The following KSR2 variants were observed in gnomAD, a reference collection of about 807,000 sequenced individuals.
KSR2 encodes kinase suppressor of ras 2.
In KSR2, 25 loss-of-function variants were observed where a neutral mutation model predicts 107.8. That is an observed-to-expected ratio of 0.23 (90% CI 0.17 to 0.32). The LOEUF is 0.32. Among genes scored for constraint, KSR2 ranks in the 10% least tolerant of loss-of-function variants. KSR2 has a pLI of 1.00. For missense variants in KSR2, 887 were observed against 1,268.9 expected (o/e 0.70, Z 4.57); for synonymous variants, 480 against 507.0 (o/e 0.95, Z 0.71).
chr12:117,945,015 G>A (rs963949484), intron 1 of KSR2, among the ~76,000 whole-genome samples: 10 of 152,090 alleles, frequency 6.6e-5, no homozygotes, highest in South Asian at 2.1e-4. Context: ...TGACCAAGAA[G>A]ACATAACCAT....
intron 4 of KSR2, among the ~76,000 whole-genome samples, chr12:117,688,046 A>G (rs763913653): frequency 2.0e-5 from 3 of 151,524 alleles, no homozygotes; most frequent in Non-Finnish European, 4.4e-5. Context: ...TCTCGTCTCT[A>G]ACGTATTCTG....
At chr12:117,651,212 C>A (rs1409979207) in intron 5 of KSR2, among the ~76,000 whole-genome samples, 3 of 152,198 alleles carry the variant, frequency 2.0e-5, no homozygotes, top group Non-Finnish European at 4.4e-5. Context: ...AGGGGATAAA[C>A]CCTGCCCTGC....
chr12:117,962,646 T>C (rs971092370), intron 1 of KSR2, among the ~76,000 whole-genome samples: 27 of 150,872 alleles, frequency 1.8e-4, no homozygotes, highest in Non-Finnish European at 3.0e-4. Context: ...GGTTTCGCCA[T>C]GTTGGCCAGG....
At chr12:117,831,354 A>G (rs1188208441) in intron 3 of KSR2, among the ~76,000 whole-genome samples, 1 of 152,172 alleles carries the variant, frequency 6.6e-6, no homozygotes, top group East Asian at 1.9e-4. Flanking sequence ...CCCACCTTGC[A>G]AGAAGCAGGG....
Position 117,471,189 on chromosome 12 carries a change from A to G in KSR2, c.2712+2T>C, listed in dbSNP as rs745679846. The G allele has an allele frequency of 6.2e-7, 1 of 1,613,764 alleles. No homozygotes were observed. The highest frequency in any genetic ancestry group is 2.2e-5 in the East Asian group (1 of 44,866). ...CAAGTCTGGACCTATCTTGGGACTT[A>G]CCGAGATTTCTTTTCCCATGCCAAT... is the stretch of plus-strand genomic sequence containing the variant. On this transcript the variant is annotated splice_donor_variant, in intron 18 of 19. Coordinates refer to ENST00000339824, the MANE Select transcript of KSR2 (RefSeq NM_173598.6). LOFTEE classifies it high-confidence loss of function.
intron 4 of KSR2, among the ~76,000 whole-genome samples, chr12:117,720,806 C>T (rs900564577): frequency 2.0e-5 from 3 of 152,006 alleles, no homozygotes; most frequent in Non-Finnish European, 4.4e-5. Flanking sequence ...ATCTTGAGCC[C>T]AGATCTGAGA....
At chr12:117,895,397 C>A (rs905724507) in intron 1 of KSR2, among the ~76,000 whole-genome samples, 2 of 152,088 alleles carry the variant, frequency 1.3e-5, no homozygotes, top group African/African-American at 4.8e-5. Flanking sequence ...CAGTGGTTCT[C>A]TAACTTGGCT....
chr12:117,962,366 C>T (rs1896684576), intron 1 of KSR2, among the ~76,000 whole-genome samples: 1 of 151,970 alleles, frequency 6.6e-6, no homozygotes, highest in Non-Finnish European at 1.5e-5. Context: ...TCTCATCTAT[C>T]CTACAGCCTA....
At chr12:117,491,243 C>T (rs1388761721) in intron 14 of KSR2, among the ~76,000 whole-genome samples, 1 of 152,098 alleles carries the variant, frequency 6.6e-6, no homozygotes, top group Non-Finnish European at 1.5e-5. Context: ...GCAGTGGCGC[C>T]ATCTCAGCTC....
At chr12:117,475,370 C>T (rs956640270) in intron 17 of KSR2, among the ~76,000 whole-genome samples, 1 of 152,200 alleles carries the variant, frequency 6.6e-6, no homozygotes, top group Admixed American at 6.5e-5. Context: ...CATCCATCAG[C>T]TCCCTTTCCT....
At chr12:117,554,346 C>T (rs1362278629) in intron 9 of KSR2, among the ~76,000 whole-genome samples, 2 of 152,126 alleles carry the variant, frequency 1.3e-5, no homozygotes, top group Admixed American at 1.3e-4. Context: ...GAGCTCAGGG[C>T]CCCCAAAGAA....
rs56169273 is a variant in KSR2 at position 117,637,675 on chromosome 12, GTTTTT to G, written c.1171+29794_1171+29798del. ...AATGGGACCCAGCAGTCAGTTTTGG[GTTTTT>G]TTTTTTTTTTTTTTTTTTTGAGACA... is the stretch of plus-strand genomic sequence containing the variant. On this transcript the variant is annotated intron_variant, in intron 5 of 19. Transcript: ENST00000339824. 1.6e-3 allele frequency among the ~76,000 whole-genome samples: 150 copies of G among 92,108 alleles called. 2 individuals carry two copies. The highest frequency in any genetic ancestry group is 8.6e-3 in the Middle Eastern group (1 of 116). The allele number at this position is 92,108 out of a possible 152,430, so 60.4% of individuals were successfully genotyped here. A position where few individuals can be genotyped will look rare whatever the true frequency, so the allele number is the denominator to read the frequency against.
Position 117,866,226 on chromosome 12 carries a change from T to A in KSR2, c.181-5795A>T, listed in dbSNP as rs79851221. 5.0e-3 allele frequency among the ~76,000 whole-genome samples: 752 copies of A among 151,538 alleles called. 50 individuals are homozygous for A. In the East Asian group the frequency reaches 0.12, roughly 25 times the overall value. ...ATGGGCCACCACACCACGCCTTTTT[T>A]AATTTTTTGTAGAGACGGGCTTTAC... On this transcript the variant is annotated intron_variant, in intron 1 of 19. Coordinates refer to ENST00000339824, the MANE Select transcript of KSR2 (RefSeq NM_173598.6).
chr12:117,728,767 G>C (rs1257682993), intron 4 of KSR2, among the ~76,000 whole-genome samples: 1 of 152,220 alleles, frequency 6.6e-6, no homozygotes, highest in African/African-American at 2.4e-5. Context: ...TAGGGAAGAA[G>C]TGGCCTTAGA....
At chr12:117,827,618 A>C (rs1359839994) in intron 3 of KSR2, among the ~76,000 whole-genome samples, 1 of 152,274 alleles carries the variant, frequency 6.6e-6, no homozygotes, top group Non-Finnish European at 1.5e-5. Context: ...CAAATAGTTG[A>C]TCAATGATGT....
intron 14 of KSR2, among the ~76,000 whole-genome samples, chr12:117,489,154 G>A (rs1231333676): frequency 2.6e-5 from 4 of 151,940 alleles, no homozygotes; most frequent in Non-Finnish European, 5.9e-5. Context: ...GCCCTTGTGT[G>A]TGTGTGTGTG....
At chr12:117,783,869 GC>G (rs1889970100) in intron 3 of KSR2, among the ~76,000 whole-genome samples, 1 of 152,024 alleles carries the variant, frequency 6.6e-6, no homozygotes, top group Admixed American at 6.6e-5. Flanking sequence ...TTCTATCCCA[GC>G]CATGTCCCAA....
intron 9 of KSR2, among the ~76,000 whole-genome samples, chr12:117,542,870 C>G (rs7956776): frequency 0.34 from 51,345 of 152,068 alleles, 8,725 homozygotes; most frequent in Middle Eastern, 0.39. Flanking sequence ...TTTCAGATTG[C>G]CTTTTTTCAC....
intron 1 of KSR2, among the ~76,000 whole-genome samples, chr12:117,943,761 G>C (rs568289920): frequency 1.1e-4 from 17 of 152,160 alleles, no homozygotes; most frequent in Non-Finnish European, 1.5e-4. Flanking sequence ...ATCTCATCTT[G>C]AATTGTAGCT....
Sources: allele counts gnomAD v4.1 joint callset (sites outside exome capture counted in the v4.1 genomes callset), GRCh38; gene constraint gnomAD v4.1.1; transcripts MANE v1.5; gene names NCBI Gene and HGNC (gene_info 2026-07-23, HGNC 2026-07-21).